The following PMS1 variants were observed in gnomAD, a reference collection of about 807,000 sequenced individuals.
PMS1 encodes the protein PMS1 homolog 1, mismatch repair system component, also known as PMS1 protein homolog 1.
A neutral mutation model predicts 93.1 loss-of-function variants in PMS1; 79 were observed. The observed-to-expected ratio is 0.85, with a 90% CI of 0.71 to 1.02. The LOEUF is 1.02. PMS1 is among the 50% of genes least tolerant of loss of function. The pLI is 0.00. For missense variants in PMS1, 1,064 were observed against 1,085.3 expected (o/e 0.98, Z 0.28); for synonymous variants, 335 against 363.4 (o/e 0.92, Z 0.89).
At chr2:189,803,028 C>A (rs1307198657) in intron 3 of PMS1, among the ~76,000 whole-genome samples, 2 of 152,120 alleles carry the variant, frequency 1.3e-5, no homozygotes, top group East Asian at 3.9e-4. Context: ...ACAATACTTG[C>A]ACAGGCAGGC....
chr2:189,864,316 G>A (rs753734858), intron 10 of PMS1, 88 bp downstream of exon 10: 1 of 947,184 alleles, frequency 1.1e-6, no homozygotes. Context: ...GGTTGGGAAT[G>A]TTTCCTAGTA....
intron 3 of PMS1, among the ~76,000 whole-genome samples, chr2:189,801,722 T>G (rs2106259543): frequency 1.3e-5 from 2 of 152,276 alleles, no homozygotes; most frequent in African/African-American, 4.8e-5. Flanking sequence ...AAAGTCAGAT[T>G]AAGTTTTCTG....
intron 4 of PMS1, chr2:189,806,400 T>C: frequency 3.1e-6 from 1 of 321,110 alleles, no homozygotes; most frequent in Middle Eastern, 1.0e-3. Context: ...TTTATTTTAT[T>C]TTATTTTATT....
intron 4 of PMS1, among the ~76,000 whole-genome samples, chr2:189,815,391 G>C (rs938399755): frequency 1.6e-4 from 25 of 152,168 alleles, no homozygotes; most frequent in African/African-American, 6.0e-4. Flanking sequence ...TGTGTTGAGG[G>C]AGGGACCCGT....
At chr2:189,868,166 T>C (rs2056824717) in intron 11 of PMS1, among the ~76,000 whole-genome samples, 1 of 152,242 alleles carries the variant, frequency 6.6e-6, no homozygotes, top group South Asian at 2.1e-4. Flanking sequence ...TCAAATAGTT[T>C]TATTGTAATT....
chr2:189,860,479 A>T (rs1255114483), intron 9 of PMS1, among the ~76,000 whole-genome samples: 3 of 152,066 alleles, frequency 2.0e-5, no homozygotes, highest in African/African-American at 7.2e-5. Context: ...ATCAGTCTCC[A>T]GTTGATGGAC....
intron 3 of PMS1, among the ~76,000 whole-genome samples, chr2:189,796,678 T>C (rs2049387427): frequency 6.6e-6 from 1 of 152,250 alleles, no homozygotes; most frequent in Non-Finnish European, 1.5e-5. Context: ...GGTTCATCCA[T>C]GTTGTAACAT....
At position 189,843,920 on chromosome 2, in the gene PMS1, A is replaced by T. The variant is rs915620380; in HGVS notation, c.583-44A>T. The stretch of plus-strand genomic sequence containing the variant: ...AATACTGACTTCTTGAGTTTAGTAA[A>T]TCTAAATTGTATTAAAAGTTATCTA... On this transcript the variant is annotated intron_variant, in intron 5 of 12. Coordinates refer to ENST00000441310, the MANE Select transcript of PMS1 (RefSeq NM_000534.5). The T allele has an allele frequency of 2.6e-6, 4 of 1,528,902 alleles. No individual in the cohort carries two copies. The African/African-American group carries it at 4.1e-5, about 16-fold the overall frequency. 94.7% of individuals were successfully genotyped at this position (1,528,902 alleles called of 1,614,324 possible). A position where few individuals can be genotyped will look rare whatever the true frequency, so the allele number is the denominator to read the frequency against.
intron 4 of PMS1, among the ~76,000 whole-genome samples, chr2:189,813,938 T>C (rs558179284): frequency 3.3e-4 from 51 of 152,268 alleles, no homozygotes; most frequent in African/African-American, 1.2e-3. Flanking sequence ...GTTGAAGACA[T>C]GGGAATGGAG....
intron 5 of PMS1, among the ~76,000 whole-genome samples, chr2:189,834,522 T>A (rs908971638): frequency 6.6e-6 from 1 of 152,144 alleles, no homozygotes; most frequent in Non-Finnish European, 1.5e-5. Context: ...ATGTGGAAAA[T>A]GATCTCGTTG....
chr2:189,799,495 G>C (rs2049683991), intron 3 of PMS1, among the ~76,000 whole-genome samples: 1 of 152,170 alleles, frequency 6.6e-6, no homozygotes, highest in Non-Finnish European at 1.5e-5. Context: ...TGTCAACACA[G>C]ATTAGTTCTT....
intron 9 of PMS1, among the ~76,000 whole-genome samples, chr2:189,857,075 T>A (rs2055411465): frequency 6.6e-6 from 1 of 152,116 alleles, no homozygotes; most frequent in African/African-American, 2.4e-5. Flanking sequence ...GGACAGTCTC[T>A]CATGGATTGT....
At chr2:189,822,035 G>A (rs1285423249) in intron 5 of PMS1, among the ~76,000 whole-genome samples, 2 of 152,076 alleles carry the variant, frequency 1.3e-5, no homozygotes, top group Non-Finnish European at 2.9e-5. Flanking sequence ...CTCGCTCTCC[G>A]GGCGGGGCGG....
intron 4 of PMS1, among the ~76,000 whole-genome samples, chr2:189,815,534 C>G (rs559726996): frequency 6.6e-6 from 1 of 152,268 alleles, no homozygotes; most frequent in African/African-American, 2.4e-5. Flanking sequence ...TTCATACACT[C>G]ACACTCTCTC....
intron 4 of PMS1, among the ~76,000 whole-genome samples, chr2:189,815,156 A>G (rs968638199): frequency 3.9e-5 from 6 of 151,994 alleles, no homozygotes; most frequent in Admixed American, 1.3e-4. Flanking sequence ...TTAGCTGTGG[A>G]AAGGTTGACA....
chr2:189,838,676 G>T (rs1407417983), intron 5 of PMS1, among the ~76,000 whole-genome samples: 1 of 152,096 alleles, frequency 6.6e-6, no homozygotes, highest in South Asian at 2.1e-4. Flanking sequence ...TGTTGGTTCT[G>T]TTAACACAGC....
At chr2:189,811,759 C>T (rs1007732871) in intron 4 of PMS1, among the ~76,000 whole-genome samples, 10 of 152,100 alleles carry the variant, frequency 6.6e-5, no homozygotes, top group Non-Finnish European at 1.2e-4. Context: ...AATTGAATTA[C>T]CGAAAACCAG....
rs1329407592 is a variant in PMS1 at position 189,854,341 on chromosome 2, G to C, written c.1069G>C (p.Asp357His). 9.4e-6 allele frequency: 15 copies of C among 1,599,380 alleles called. No homozygotes were observed. The highest frequency in any genetic ancestry group is 1.2e-5 in the Non-Finnish European group (14 of 1,172,260). ...TAATAAAACAGATGTTTCCGCAGCT[G>C]ACATCGTTCTTAGTAAAACAGCAGA... ...ENNKTDVSAA[D>H]IVLSKTAETD... The change falls in exon 9 of 13, where the codon GAC becomes CAC. Residue 357 changes from aspartate to histidine, a missense_variant. Physicochemically the swap from Asp to His is moderately conservative, Grantham distance 81. Transcript: ENST00000441310.
intron 4 of PMS1, among the ~76,000 whole-genome samples, chr2:189,817,323 A>T (rs1187634995): frequency 6.6e-6 from 1 of 152,232 alleles, no homozygotes; most frequent in African/African-American, 2.4e-5. Context: ...TTAACTGGTG[A>T]CTAGTAGTTT....
Sources: gnomAD v4.1 joint callset for allele counts (sites outside exome capture counted in the v4.1 genomes callset) on GRCh38, gnomAD v4.1.1 for gene constraint, MANE v1.5 for transcripts, NCBI Gene and HGNC (gene_info 2026-07-23, HGNC 2026-07-21) for gene names.